Variants in CAMK2G observed in about 807,000 individuals in gnomAD.
CAMK2G encodes the protein calcium/calmodulin-dependent protein kinase type II subunit gamma.
CAMK2G carries 23 observed loss-of-function variants against 88.7 expected under a neutral mutation model. The ratio of observed to expected loss-of-function variants is 0.26; its 90% CI spans 0.19 to 0.37. The LOEUF (loss-of-function observed/expected upper bound fraction) is 0.37, where lower values mean the gene tolerates loss of function less well. Among genes scored for constraint, CAMK2G ranks in the 10% least tolerant of loss-of-function variants. The pLI is 1.00. For synonymous variants in CAMK2G, 263 were observed against 294.8 expected (o/e 0.89, Z 1.11); for missense variants, 476 against 780.8 (o/e 0.61, Z 4.65).
intron 2 of CAMK2G, among the ~76,000 whole-genome samples, chr10:73,870,489 C>G (rs59247757): frequency 2.3e-4 from 35 of 151,502 alleles, no homozygotes; most frequent in African/African-American, 6.8e-4. Flanking sequence ...CTCGATTGGA[C>G]CCCCCCAGAA....
At position 73,848,504 on chromosome 10, in the gene CAMK2G, T is replaced by C; in HGVS notation, c.601+22A>G. 1.3e-6 allele frequency: 2 copies of C among 1,554,626 alleles called. No individual in the cohort carries two copies. Among genetic ancestry groups the C allele is most frequent in the Non-Finnish European group, 1.8e-6 (2 of 1,127,078 alleles). ...TTGAGGGCCCTTAACAGCGAAAAGC[T>C]GAGAGCGTGGAATGGGCTTACCGCA... is the stretch of plus-strand genomic sequence containing the variant. On this transcript the variant is annotated intron_variant, in intron 8 of 22. Coordinates refer to ENST00000423381, the MANE Select transcript of CAMK2G (RefSeq NM_001367534.1). The surrounding 1 kb of genome is among the most constrained non-coding windows in gnomAD (Gnocchi z 4.5).
At chr10:73,837,063 C>G (rs2093322110) in intron 14 of CAMK2G, 3 of 236,704 alleles carry the variant, frequency 1.3e-5, no homozygotes, top group Non-Finnish European at 2.6e-5. Context: ...AGCCCTATAC[C>G]CTGCCTGAAT....
chr10:73,825,217 G>A, intron 16 of CAMK2G, 62 bp downstream of exon 16: 2 of 1,169,704 alleles, frequency 1.7e-6, no homozygotes, highest in Non-Finnish European at 2.6e-6. Flanking sequence ...ACAAGAGGAG[G>A]AAGAGGGAAG....
intron 14 of CAMK2G, among the ~76,000 whole-genome samples, chr10:73,836,594 G>C (rs1477147511): frequency 6.6e-6 from 1 of 151,880 alleles, no homozygotes; most frequent in Non-Finnish European, 1.5e-5. Context: ...GAGGGAGTGG[G>C]GAGGGAACGG....
intron 18 of CAMK2G, among the ~76,000 whole-genome samples, chr10:73,820,930 C>A (rs1314930252): frequency 6.6e-6 from 1 of 151,940 alleles, no homozygotes; most frequent in African/African-American, 2.4e-5. Context: ...CCACCTTGGC[C>A]TCCCAAAGTG....
intron 14 of CAMK2G, among the ~76,000 whole-genome samples, chr10:73,836,166 A>G (rs1167157082): frequency 6.6e-6 from 1 of 152,218 alleles, no homozygotes; most frequent in East Asian, 1.9e-4. Flanking sequence ...CATATAGCAG[A>G]AAGTAAAACT....
intron 13 of CAMK2G, 65 bp from the exon 14 acceptor site, chr10:73,837,576 C>T: frequency 7.8e-7 from 1 of 1,280,044 alleles, no homozygotes; most frequent in South Asian, 1.2e-5. Context: ...TGAAGTCCGG[C>T]AGCCAGATCC....
At chr10:73,833,414 C>T (rs1211871520) in intron 14 of CAMK2G, among the ~76,000 whole-genome samples, 2 of 152,120 alleles carry the variant, frequency 1.3e-5, no homozygotes, top group African/African-American at 4.8e-5. Flanking sequence ...TTTTGACACA[C>T]AGGCTGTTTT....
At chr10:73,853,294 A>T in intron 3 of CAMK2G, 48 bp from the exon 4 acceptor site, 1 of 1,559,212 alleles carries the variant, frequency 6.4e-7, no homozygotes, top group Non-Finnish European at 8.8e-7. Context: ...GAAAACTTGG[A>T]AATCCTAGGC....
intron 18 of CAMK2G, among the ~76,000 whole-genome samples, chr10:73,821,099 C>G (rs892468549): frequency 6.6e-6 from 1 of 151,982 alleles, no homozygotes; most frequent in Non-Finnish European, 1.5e-5. Context: ...TGTGAGTCAC[C>G]GCACCTGGCC....
intron 18 of CAMK2G, among the ~76,000 whole-genome samples, 182 bp from the exon 19 acceptor site, chr10:73,819,827 CAG>C (rs1033898265): frequency 1.8e-4 from 27 of 152,254 alleles, no homozygotes; most frequent in Admixed American, 8.5e-4. Flanking sequence ...CCGCCTCTGC[CAG>C]AGAGGCCTCC....
chr10:73,830,171 C>A (rs1417891648), intron 14 of CAMK2G, among the ~76,000 whole-genome samples: 1 of 152,194 alleles, frequency 6.6e-6, no homozygotes, highest in Non-Finnish European at 1.5e-5. Flanking sequence ...TCAGGTTAGT[C>A]AACATTTTTC....
Position 73,853,123 on chromosome 10 carries a change from T to C in CAMK2G, c.275+69A>G, listed in dbSNP as rs2250140. 0.5 allele frequency: 733,984 copies of C among 1,455,384 alleles called. 194,584 individuals are homozygous for C. The highest frequency in any genetic ancestry group is 0.63 in the Middle Eastern group (3,655 of 5,760). The allele number at this position is 1,455,384 out of a possible 1,614,324, so 90.2% of individuals were successfully genotyped here. A position where few individuals can be genotyped will look rare whatever the true frequency, so the allele number is the denominator to read the frequency against. On this transcript the variant is annotated intron_variant, in intron 4 of 22. Transcript: ENST00000423381. ...GGAGGCTGGAGAGCCTGTTTAGGCC[T>C]CTTCCTGAGCCTTCATTTTGAGTCA...
At chr10:73,852,576 T>G in intron 4 of CAMK2G, 1 of 506,428 alleles carries the variant, frequency 2.0e-6, no homozygotes, top group Non-Finnish European at 3.5e-6. Flanking sequence ...CAGGCAGAGA[T>G]GAAGATACAG....
chr10:73,869,673 T>A (rs2095741522), intron 2 of CAMK2G, among the ~76,000 whole-genome samples: 1 of 152,210 alleles, frequency 6.6e-6, no homozygotes, highest in Non-Finnish European at 1.5e-5. Context: ...TAGAAACACA[T>A]AAGGACCCTT....
Position 73,842,157 on chromosome 10 carries a change from G to T in CAMK2G, c.946+12C>A. ...CTCGGCATAATCAAAGTACACAGCT[G>T]GGAAAACATACCTGAGAAGTTCCTG... On this transcript the variant is annotated intron_variant, in intron 12 of 22. Coordinates refer to ENST00000423381, the MANE Select transcript of CAMK2G (RefSeq NM_001367534.1). This position sits in a 1 kb window ranked among gnomAD's most constrained non-coding sequence, Gnocchi z 4.6. 6.2e-7 allele frequency: 1 copy of T among 1,607,132 alleles called. No individual in the cohort carries two copies. Among genetic ancestry groups the T allele is most frequent in the Non-Finnish European group, 8.5e-7 (1 of 1,173,608 alleles).
At chr10:73,837,852 G>T (rs2093402516) in intron 13 of CAMK2G, among the ~76,000 whole-genome samples, 1 of 152,216 alleles carries the variant, frequency 6.6e-6, no homozygotes, top group Non-Finnish European at 1.5e-5. Context: ...GTGCCAGGGT[G>T]AAAGAGTGAG....
At chr10:73,837,233 T>G (rs931483607) in intron 14 of CAMK2G, 1 of 569,976 alleles carries the variant, frequency 1.8e-6, no homozygotes, top group African/African-American at 1.9e-5. Flanking sequence ...GTATAAACTA[T>G]GATTTGGATC....
chr10:73,816,191 C>T (rs1442466298), intron 21 of CAMK2G: 2 of 985,378 alleles, frequency 2.0e-6, no homozygotes, highest in Non-Finnish European at 2.4e-6. Flanking sequence ...AGCTTCTTAT[C>T]CCCTTATTTT....
Sources: gnomAD v4.1 joint callset for allele counts (sites outside exome capture counted in the v4.1 genomes callset) on GRCh38, gnomAD v4.1.1 for gene constraint, Gnocchi (gnomAD v3.1) non-coding constraint, MANE v1.5 for transcripts, NCBI Gene and HGNC (gene_info 2026-07-23, HGNC 2026-07-21) for gene names.